FNIP2: variants seen among roughly 807,000 people sequenced by gnomAD.
FNIP2 encodes the protein folliculin-interacting protein 2.
A neutral mutation model predicts 108.7 loss-of-function variants in FNIP2; 32 were observed. The ratio of observed to expected loss-of-function variants is 0.29; its 90% confidence interval spans 0.22 to 0.40. The LOEUF (loss-of-function observed/expected upper bound fraction) is 0.40. FNIP2 is among the 10% of genes least tolerant of loss of function. FNIP2 has a pLI of 1.00. For missense variants in FNIP2, 1,202 were observed against 1,381.6 expected, an observed-to-expected ratio of 0.87 and a Z score of 2.06; for synonymous variants, 480 against 496.7, an observed-to-expected ratio of 0.97 and a Z score of 0.45.
At chr4:158,771,449 A>G (rs1775695134) in intron 1 of FNIP2, among the ~76,000 whole-genome samples, 1 of 152,184 alleles carries the variant, frequency 6.6e-6, no homozygotes, top group African/African-American at 2.4e-5. Flanking sequence ...AAAATTGTGA[A>G]CCTGTGTTTC....
chr4:158,851,905 T>C (rs1471614443), intron 8 of FNIP2, among the ~76,000 whole-genome samples: 2 of 152,256 alleles, frequency 1.3e-5, no homozygotes, highest in Non-Finnish European at 2.9e-5. Flanking sequence ...AACATGATTT[T>C]AAATAGAGAT....
intron 1 of FNIP2, among the ~76,000 whole-genome samples, chr4:158,788,650 A>G (rs1411801421): frequency 6.6e-6 from 1 of 152,206 alleles, no homozygotes; most frequent in African/African-American, 2.4e-5. Context: ...GTACATATGG[A>G]CAGGCCTCTT....
At chr4:158,785,373 C>T (rs1209916758) in intron 1 of FNIP2, among the ~76,000 whole-genome samples, 3 of 152,066 alleles carry the variant, frequency 2.0e-5, no homozygotes, top group Non-Finnish European at 4.4e-5. Context: ...CATGAGCCAC[C>T]GCGCCTGGCC....
At chr4:158,775,799 A>G (rs144935554) in intron 1 of FNIP2, among the ~76,000 whole-genome samples, 251 of 152,318 alleles carry the variant, frequency 1.6e-3, no homozygotes, top group African/African-American at 5.6e-3. Flanking sequence ...TAAATGTTGT[A>G]TAGCAGAGTA....
At chr4:158,893,445 G>A in intron 15 of FNIP2, 5 of 436,230 alleles carry the variant, frequency 1.1e-5, no homozygotes, top group Non-Finnish European at 2.1e-5. Context: ...GATGTTATAA[G>A]CACTCAGTAA....
At chr4:158,775,148 A>G (rs1052613263) in intron 1 of FNIP2, among the ~76,000 whole-genome samples, 1 of 152,186 alleles carries the variant, frequency 6.6e-6, no homozygotes, top group Non-Finnish European at 1.5e-5. Context: ...GGCTGCCAGC[A>G]TGAACTCCTG....
intron 1 of FNIP2, among the ~76,000 whole-genome samples, chr4:158,773,277 C>T (rs1775755657): frequency 6.6e-6 from 1 of 152,180 alleles, no homozygotes. Context: ...CATCATATCT[C>T]CTTGTCCTGA....
intron 1 of FNIP2, among the ~76,000 whole-genome samples, chr4:158,788,287 G>A (rs1218679234): frequency 6.6e-6 from 1 of 152,162 alleles, no homozygotes; most frequent in Non-Finnish European, 1.5e-5. Context: ...CTGTCCCCCT[G>A]GAGTATAATT....
rs374162265 is a variant in FNIP2 at position 158,831,865 on chromosome 4, C to A, written c.386C>A (p.Thr129Lys). 169 of 1,609,450 alleles carry A rather than the reference C, an allele frequency of 1.1e-4. No individual in the cohort carries two copies. Among genetic ancestry groups the A allele is most frequent in the Non-Finnish European group, 1.4e-4 (162 of 1,177,448 alleles). ...AKEQLPKYQYTRPASDVNMLG... is the reference protein window; with the variant it reads ...AKEQLPKYQYKRPASDVNMLG... The stretch of plus-strand genomic sequence containing the variant: ...ATTTTGTTTTCTTGCATGTAGTACA[C>A]AAGACCAGCTTCCGATGTCAACATG... The change falls in exon 4 of 17, where the codon ACA (threonine) becomes AAA (lysine). Residue 129 changes from threonine to lysine, a missense_variant. Physicochemically the swap from Thr to Lys is moderately conservative, Grantham distance 78. Around this residue, in one of 5 missense-constraint regions of FNIP2, gnomAD observed 173 missense variants for 165.9 expected, o/e 1.04. Transcript: ENST00000264433.
intron 3 of FNIP2, 141 bp from the exon 4 acceptor site, chr4:158,831,720 A>C: frequency 1.6e-6 from 1 of 633,654 alleles, no homozygotes; most frequent in Non-Finnish European, 2.8e-6. Flanking sequence ...ATTATAAGTT[A>C]AGATTGTAAG....
chr4:158,777,074 A>G (rs1775887090), intron 1 of FNIP2, among the ~76,000 whole-genome samples: 1 of 152,228 alleles, frequency 6.6e-6, no homozygotes, highest in African/African-American at 2.4e-5. Flanking sequence ...ACACTTGCCT[A>G]AGTAATATAT....
chr4:158,850,696 A>G (rs575797637), intron 7 of FNIP2, among the ~76,000 whole-genome samples: 1 of 147,446 alleles, frequency 6.8e-6, no homozygotes, highest in Admixed American at 6.9e-5. Context: ...AGGATACTAG[A>G]TGGGGAAAAA....
At chr4:158,888,796 C>T (rs980474830) in intron 14 of FNIP2, among the ~76,000 whole-genome samples, 4 of 151,312 alleles carry the variant, frequency 2.6e-5, no homozygotes, top group African/African-American at 7.3e-5. Flanking sequence ...ACATGAGAAT[C>T]GCTTGAACGC....
intron 12 of FNIP2, among the ~76,000 whole-genome samples, chr4:158,867,219 G>T (rs1449220293): frequency 6.6e-6 from 1 of 151,872 alleles, no homozygotes; most frequent in Non-Finnish European, 1.5e-5. Context: ...CTGAGACAGA[G>T]TCTCATGCTG....
At chr4:158,862,998 T>C (rs1207682819) in intron 12 of FNIP2, among the ~76,000 whole-genome samples, 1 of 152,258 alleles carries the variant, frequency 6.6e-6, no homozygotes, top group Non-Finnish European at 1.5e-5. Context: ...ATTAATTCCC[T>C]ATGTTCAGCA....
Position 158,904,484 on chromosome 4 carries a change from G to A in FNIP2, c.3285G>A (p.Leu1095=). ...TATTCAGGATTGAATCCAACGACCT[G>A]CCTCTGTTGACTGCTATTGCCAGTA... is the stretch of plus-strand genomic sequence containing the variant. ...GVVLGIESND[L]PLLTAIASTH... Residue 1095 remains leucine (L), a synonymous_variant, in exon 17 of 17, where the codon CTG becomes CTA. Coordinates refer to ENST00000264433, the MANE Select transcript of FNIP2 (RefSeq NM_020840.3). The A allele has an allele frequency of 6.2e-7, 1 of 1,613,028 alleles. No homozygotes were observed. Among genetic ancestry groups the A allele is most frequent in the Non-Finnish European group, 8.5e-7 (1 of 1,179,682 alleles).
At chr4:158,826,556 C>G (rs1778167967) in intron 2 of FNIP2, among the ~76,000 whole-genome samples, 1 of 152,170 alleles carries the variant, frequency 6.6e-6, no homozygotes, top group African/African-American at 2.4e-5. Flanking sequence ...GTTTCTCAAA[C>G]CCTTCTGACC....
rs780622742 is a variant in FNIP2 at position 158,868,329 on chromosome 4, T to C, written c.1693T>C (p.Ser565Pro). The change falls in exon 13 of 17, where the codon TCT (serine) becomes CCT (proline). Residue 565 changes from serine (S) to proline (P), a missense_variant. Around this residue, in one of 5 missense-constraint regions of FNIP2, gnomAD observed 878 missense variants for 990.3 expected, o/e 0.89. Transcript: ENST00000264433. The surrounding 1 kb of genome is among the most constrained non-coding windows in gnomAD (Gnocchi z 4.6). The stretch of plus-strand genomic sequence containing the variant: ...CTTGGAGAAAGGAGAGGTGGAGGAG[T>C]CTGAGTATGTGGTCATTACGGTGAG... ...TALEKGEVEE[S>P]EYVVITVRNE... 6.2e-7 allele frequency: 1 copy of C among 1,613,328 alleles called. No individual in the cohort carries two copies. Among genetic ancestry groups the C allele is most frequent in the Admixed American group, 1.7e-5 (1 of 59,980 alleles).
intron 1 of FNIP2, among the ~76,000 whole-genome samples, chr4:158,787,053 T>G (rs554448929): frequency 2.0e-4 from 31 of 152,262 alleles, no homozygotes; most frequent in Non-Finnish European, 4.1e-4. Context: ...TGACTTCAGG[T>G]AGCTGATCCA....
Sources: allele counts gnomAD v4.1 joint callset (sites outside exome capture counted in the v4.1 genomes callset), GRCh38; gene constraint gnomAD v4.1.1; regional missense constraint gnomAD v4.1.1; non-coding constraint Gnocchi (gnomAD v3.1); transcripts MANE v1.5; gene names NCBI Gene and HGNC (gene_info 2026-07-23, HGNC 2026-07-21).